The following LINGO1 variants were observed in gnomAD, a reference collection of about 807,000 sequenced individuals.
The protein encoded by LINGO1 is leucine-rich repeat and immunoglobulin-like domain-containing nogo receptor-interacting protein 1.
LINGO1 carries 11 observed loss-of-function variants against 37.3 expected under a neutral mutation model. The ratio of observed to expected loss-of-function variants is 0.29; its 90% CI spans 0.19 to 0.49. The LOEUF is 0.49. Ranked by LOEUF, LINGO1 falls within the 20% of genes least tolerant of loss-of-function variation. LINGO1 has a pLI of 0.99. For missense variants in LINGO1, 585 were observed against 878.2 expected, an observed-to-expected ratio of 0.67 and a Z score of 4.22; for synonymous variants, 387 against 403.0, an observed-to-expected ratio of 0.96 and a Z score of 0.48.
chr15:77,809,837 G>C (rs115464848), intron 1 of LINGO1, among the ~76,000 whole-genome samples: 1 of 152,142 alleles, frequency 6.6e-6, no homozygotes. Context: ...CTGTCTCACA[G>C]CTCCCATTGA....
In LINGO1 at chr15:77,642,513, C is replaced by T. The variant is rs770805880; in HGVS notation, c.-12-26613G>A. ...CTGCAGTCTCTGAGATGTTCCCTTC[C>T]AGGCAGCCTAATTTGGACACTTAGG... is the stretch of plus-strand genomic sequence containing the variant. On this transcript the variant is annotated intron_variant, in intron 3 of 3. Transcript: ENST00000559893. Among the ~76,000 whole-genome samples the T allele has an allele frequency of 2.2e-4, 34 of 152,330 alleles. 1 individual carries two copies. The highest frequency in any genetic ancestry group is 2.6e-4 in the Non-Finnish European group (18 of 68,020).
In LINGO1 at chr15:77,614,931, C is replaced by G. The variant is rs1200204802; in HGVS notation, c.976G>C (p.Val326Leu). The change falls in exon 2 of 2, where the codon GTG becomes CTG. Residue 326 changes from valine to leucine, a missense_variant. By Grantham distance (32) the Val-to-Leu change is conservative. Around this residue, in one of 4 missense-constraint regions of LINGO1, gnomAD observed 484 missense variants for 735.0 expected, o/e 0.66. Transcript: ENST00000355300. ...IQLVGGQLAV[V>L]EPYAFRGLNY... ...AGGCCGCGGAAGGCATAGGGCTCCA[C>G]CACGGCCAGCTGCCCGCCCACCAGC... is the stretch of plus-strand genomic sequence containing the variant. 6.2e-7 allele frequency: 1 copy of G among 1,613,832 alleles called. No individual in the cohort carries two copies. Among genetic ancestry groups the G allele is most frequent in the East Asian group, 2.2e-5 (1 of 44,848 alleles).
At chr15:77,779,580 C>T (rs1221065021) in intron 1 of LINGO1, among the ~76,000 whole-genome samples, 2 of 152,064 alleles carry the variant, frequency 1.3e-5, no homozygotes, top group Non-Finnish European at 2.9e-5. Context: ...AGATCCCTCA[C>T]ATGCGCAGTT....
intron 3 of LINGO1, chr15:77,647,735 T>G (rs2074666467): frequency 2.5e-6 from 1 of 403,814 alleles, no homozygotes; most frequent in African/African-American, 2.1e-5. Context: ...CCCCGCCCCA[T>G]GCCCTTCTTG....
intron 1 of LINGO1, among the ~76,000 whole-genome samples, chr15:77,630,728 T>A (rs1195219152): frequency 6.6e-6 from 1 of 151,802 alleles, no homozygotes; most frequent in Admixed American, 6.6e-5. Flanking sequence ...TGTCAGGGGG[T>A]GAGGAGGGGG....
At chr15:77,780,784 C>T (rs1361072564) in intron 1 of LINGO1, among the ~76,000 whole-genome samples, 1 of 151,910 alleles carries the variant, frequency 6.6e-6, no homozygotes, top group Non-Finnish European at 1.5e-5. Flanking sequence ...CCCCCACCCC[C>T]ACCATGTGAG....
At chr15:77,701,455 C>T (rs553545011), upstream of LINGO1, among the ~76,000 whole-genome samples, 31 of 152,214 alleles carry the variant, frequency 2.0e-4, no homozygotes, top group Admixed American at 1.2e-3. Context: ...GTGGGAACCC[C>T]GGAGGCCCCA....
intron 3 of LINGO1, among the ~76,000 whole-genome samples, chr15:77,661,680 C>T (rs1041556117): frequency 3.9e-5 from 6 of 152,176 alleles, no homozygotes; most frequent in African/African-American, 1.4e-4. Flanking sequence ...CCTCACAGCA[C>T]CCTAGACCCT....
intron 3 of LINGO1, chr15:77,652,125 G>C (rs2141141195): frequency 6.6e-6 from 1 of 152,340 alleles, no homozygotes; most frequent in South Asian, 2.1e-4. Flanking sequence ...GTTAAACAGT[G>C]CAAGGGCATG....
At chr15:77,677,524 A>G (rs145165962) in intron 2 of LINGO1, among the ~76,000 whole-genome samples, 14 of 152,166 alleles carry the variant, frequency 9.2e-5, no homozygotes, top group South Asian at 2.1e-4. Context: ...ACAGATGGAC[A>G]ACCCCACCCC....
chr15:77,613,834 G>A lies in LINGO1; in HGVS notation c.*210C>T. 1 of 587,304 alleles carries A rather than the reference G, an allele frequency of 1.7e-6. No homozygotes were observed. Among genetic ancestry groups the A allele is most frequent in the Non-Finnish European group, 3.0e-6 (1 of 331,092 alleles). 36.4% of individuals were successfully genotyped at this position (587,304 alleles called of 1,614,324 possible). On this transcript the variant is annotated 3_prime_UTR_variant, in exon 2 of 2. Coordinates refer to ENST00000355300, the MANE Select transcript of LINGO1 (RefSeq NM_032808.7). The stretch of plus-strand genomic sequence containing the variant: ...TCTGTCAATGCCCCTGTGTAGGTGG[G>A]GTCCCCAGGTCTGGGCTTCTGAGGT...
intron 1 of LINGO1, among the ~76,000 whole-genome samples, chr15:77,620,489 G>A (rs2073884005): frequency 6.6e-6 from 1 of 152,258 alleles, no homozygotes; most frequent in Admixed American, 6.5e-5. Context: ...TCCCGGGGCA[G>A]ATACGGCCTG....
At chr15:77,686,237 C>T (rs146956434) in intron 2 of LINGO1, among the ~76,000 whole-genome samples, 151 of 152,298 alleles carry the variant, frequency 9.9e-4, no homozygotes, top group Middle Eastern at 3.4e-3. Context: ...CCCCCTGCTC[C>T]GAGAACCTCA....
rs918555976 is a variant in LINGO1, at chr15:77,663,989, C to T, written c.-13+13100G>A. ...CTCTGGCAGAGGCTGGGGCAGGACC[C>T]GGGCAAGCCTTGCCTTCGGACCTCG... On this transcript the variant is annotated intron_variant, in intron 3 of 3. Coordinates refer to the LINGO1 transcript ENST00000559893. 5.9e-5 allele frequency among the ~76,000 whole-genome samples: 9 copies of T among 152,276 alleles called. No homozygotes were observed. In the South Asian group the frequency reaches 1.2e-3, roughly 21 times the overall value.
chr15:77,673,495 T>C (rs920561434), intron 3 of LINGO1, among the ~76,000 whole-genome samples: 17 of 152,234 alleles, frequency 1.1e-4, no homozygotes, highest in African/African-American at 3.4e-4. Context: ...TTAGCCCCAT[T>C]TGACACATGC....
intron 1 of LINGO1, among the ~76,000 whole-genome samples, chr15:77,762,603 G>A (rs1251174255): frequency 6.6e-6 from 1 of 152,174 alleles, no homozygotes; most frequent in Non-Finnish European, 1.5e-5. Context: ...GATTAGAGAG[G>A]GAAAGCACAC....
rs117701023 is a variant in LINGO1 at position 77,702,607 on chromosome 15, G to T, written c.-194-11706C>A. On this transcript the variant is annotated intron_variant, in intron 2 of 3. Coordinates refer to the LINGO1 transcript ENST00000561686. The stretch of plus-strand genomic sequence containing the variant: ...TCAGTATTCTAATTCTCTAGGTAAG[G>T]AAACTGAGGCTCAGACCAAAGTGGC... 5.8e-3 allele frequency among the ~76,000 whole-genome samples: 876 copies of T among 152,312 alleles called. 5 individuals carry two copies. The highest frequency in any genetic ancestry group is 0.01 in the Middle Eastern group (3 of 294).
In LINGO1 at chr15:77,694,925, G is replaced by A. The variant is rs144261661; in HGVS notation, c.-281+1466C>T. Among the ~76,000 whole-genome samples, 1,501 of 152,276 alleles carry A rather than the reference G, an allele frequency of 9.9e-3. 10 individuals are homozygous for A. Among genetic ancestry groups the A allele is most frequent in the Non-Finnish European group, 0.015 (1,009 of 68,024 alleles). ...TGTCAGGAGGTGGGGTCTCCCCGGG[G>A]GGCCTGGGATTGCCAGGTGGGGAAG... On this transcript the variant is annotated intron_variant, in intron 1 of 3. Transcript: ENST00000559893.
At chr15:77,672,716 C>T (rs974870887) in intron 3 of LINGO1, among the ~76,000 whole-genome samples, 3 of 152,168 alleles carry the variant, frequency 2.0e-5, no homozygotes, top group African/African-American at 4.8e-5. Flanking sequence ...GACAGAACGC[C>T]GACCCTGAAG....
Sources: gnomAD v4.1 joint callset for allele counts (sites outside exome capture counted in the v4.1 genomes callset) on GRCh38, gnomAD v4.1.1 for gene constraint, gnomAD v4.1.1 regional missense constraint, MANE v1.5 for transcripts, NCBI Gene and HGNC (gene_info 2026-07-23, HGNC 2026-07-21) for gene names.